ATG2B: variants seen among roughly 807,000 people sequenced by gnomAD.
The protein encoded by ATG2B is autophagy related 2B.
A neutral mutation model predicts 241.3 loss-of-function variants in ATG2B; 121 were observed. That is an observed-to-expected ratio of 0.50 (90% CI 0.43 to 0.58). ATG2B has a LOEUF of 0.58. Ranked by LOEUF, ATG2B falls within the 20% of genes least tolerant of loss-of-function variation. ATG2B has a pLI of 0.00. For missense variants in ATG2B, 2,306 were observed against 2,491.6 expected (o/e 0.93, Z 1.59); for synonymous variants, 858 against 876.6 (o/e 0.98, Z 0.37).
At chr14:96,345,963 A>G (rs1283137652) in intron 2 of ATG2B, among the ~76,000 whole-genome samples, 1 of 152,194 alleles carries the variant, frequency 6.6e-6, no homozygotes, top group African/African-American at 2.4e-5. Context: ...AAAAAATAAT[A>G]GTAAATTCTG....
chr14:96,294,858 G>A, intron 36 of ATG2B, 102 bp downstream of exon 36: 1 of 1,045,076 alleles, frequency 9.6e-7, no homozygotes, highest in Non-Finnish European at 1.4e-6. Context: ...GCAGTGCAAA[G>A]AAAAGCTGAC....
At position 96,293,506 on chromosome 14, in the gene ATG2B, A is replaced by C. The variant is rs537711194; in HGVS notation, c.5427-1408T>G. ...GTTAAGTGCTCAGTAAATATTTGTA[A>C]AATGAATAAATGTTTGGAGGAAGGG... On this transcript the variant is annotated intron_variant, in intron 36 of 41. Transcript: ENST00000359933. Among the ~76,000 whole-genome samples, 10 of 152,348 alleles carry C rather than the reference A, an allele frequency of 6.6e-5. No individual in the cohort carries two copies. The East Asian group carries it at 1.9e-3, about 29-fold the overall frequency.
intron 32 of ATG2B, 104 bp downstream of exon 32, chr14:96,304,391 A>G (rs1886874793): frequency 1.3e-6 from 1 of 746,862 alleles, no homozygotes; most frequent in Non-Finnish European, 2.3e-6. Flanking sequence ...TTTCCAATCC[A>G]AAGGGTTGGG....
rs1158485384 is a variant in ATG2B, at chr14:96,329,488, G to A, written c.1877C>T (p.Thr626Ile). The A allele has an allele frequency of 6.2e-7, 1 of 1,608,062 alleles. No individual in the cohort carries two copies. Among genetic ancestry groups the A allele is most frequent in the Admixed American group, 1.7e-5 (1 of 59,454 alleles). ...GAAAAAGTATTCAATATTTACCTCT[G>A]TATAGTGAGGAGGAACAGAATGAAA... ...TDFHSVPPHY[T>I]ELLTFHSKEE... The change falls in exon 12 of 42, where the codon ACA becomes ATA. Residue 626 changes from threonine to isoleucine, a missense_variant. This residue lies in a region of ATG2B where 1,927 missense variants were observed against 2,011.2 expected (regional missense o/e 0.96). Transcript: ENST00000359933.
chr14:96,341,612 T>A lies in ATG2B; in HGVS notation c.834A>T (p.Ala278=). The part of the protein sequence containing the change: ...PQLTRNLPEI[A]PSDPVQIGRL... ...GTCCAATCTGCACTGGGTCAGAAGGTGCTATCTCTGGTAAATTTCTAGTTA... is the reference window on the plus strand; with the variant it reads ...GTCCAATCTGCACTGGGTCAGAAGGAGCTATCTCTGGTAAATTTCTAGTTA... The change falls in exon 6 of 42, where the codon GCA becomes GCT. Residue 278 remains alanine (A), a synonymous_variant. Coordinates refer to ENST00000359933, the MANE Select transcript of ATG2B (RefSeq NM_018036.7). 6.2e-7 allele frequency: 1 copy of A among 1,604,572 alleles called. No homozygotes were observed. Among genetic ancestry groups the A allele is most frequent in the Non-Finnish European group, 8.5e-7 (1 of 1,174,240 alleles).
intron 34 of ATG2B, among the ~76,000 whole-genome samples, chr14:96,299,223 C>G (rs562085189): frequency 3.8e-4 from 58 of 152,116 alleles, no homozygotes; most frequent in African/African-American, 1.4e-3. Context: ...AAAATCTTCA[C>G]CTGCCTAGCT....
At position 96,289,722 on chromosome 14, in the gene ATG2B, G is replaced by A. The variant is rs1185027675; in HGVS notation, c.5940C>T (p.His1980=). The change falls in exon 41 of 42, where the codon CAC becomes CAT. Residue 1980 remains histidine (H), a synonymous_variant. Transcript: ENST00000359933. The surrounding 1 kb of genome is among the most constrained non-coding windows in gnomAD (Gnocchi z 4.3). ...GGTCTACTGGCTGGTGGGCTAACCG[G>A]TGATGAGGAAACCTTTTGGTCTTCT... ...EPKKTKRFPH[H]RLAHQPVDLR... is the part of the protein sequence containing the mutation. The A allele has an allele frequency of 6.2e-7, 1 of 1,614,192 alleles. No individual in the cohort carries two copies. The highest frequency in any genetic ancestry group is 1.7e-5 in the Admixed American group (1 of 60,028).
chr14:96,297,833 C>A (rs917157241), intron 34 of ATG2B, among the ~76,000 whole-genome samples: 1 of 152,006 alleles, frequency 6.6e-6, no homozygotes, highest in African/African-American at 2.4e-5. Flanking sequence ...GCTCTGTCAC[C>A]CAGACTGGAG....
chr14:96,313,368 G>C lies in ATG2B; in HGVS notation c.3710C>G (p.Thr1237Ser). ...ACAGCTCCAAAGATGAACATGAAAA[G>C]TTGTAAATGAAGTTGGAGGATTATA... The part of the protein sequence containing the change: ...LGYNPPTSFT[T>S]FHVHLWSCAL... Residue 1237 changes from threonine to serine, a missense_variant, in exon 24 of 42, where the codon ACT becomes AGT. Coordinates refer to ENST00000359933, the MANE Select transcript of ATG2B (RefSeq NM_018036.7). 6.3e-7 allele frequency: 1 copy of C among 1,598,344 alleles called. No individual in the cohort carries two copies. The highest frequency in any genetic ancestry group is 8.5e-7 in the Non-Finnish European group (1 of 1,175,450).
intron 15 of ATG2B, among the ~76,000 whole-genome samples, chr14:96,324,711 C>A (rs576894410): frequency 6.6e-6 from 1 of 152,134 alleles, no homozygotes; most frequent in South Asian, 2.1e-4. Context: ...TTTTTCAATC[C>A]ATTTTACAAA....
In ATG2B at chr14:96,315,364, T is replaced by A. The variant is rs775977639; in HGVS notation, c.3561+20A>T. ...AGCTAGAATCAAATCAACAGTGGCA[T>A]AAAAGTACAAAACACAAACCTTTGT... is the stretch of plus-strand genomic sequence containing the variant. On this transcript the variant is annotated intron_variant, in intron 22 of 41. Coordinates refer to ENST00000359933, the MANE Select transcript of ATG2B (RefSeq NM_018036.7). 1.2e-6 allele frequency: 2 copies of A among 1,610,494 alleles called. No homozygotes were observed. The highest frequency in any genetic ancestry group is 1.7e-4 in the Middle Eastern group (1 of 6,044).
intron 6 of ATG2B, among the ~76,000 whole-genome samples, chr14:96,339,271 AGTGTGT>A (rs34822684): frequency 0.036 from 5,330 of 147,184 alleles, 260 homozygotes; most frequent in African/African-American, 0.11. Flanking sequence ...GCAATTCCAC[AGTGTGT>A]GTGTGTGTGT....
intron 8 of ATG2B, among the ~76,000 whole-genome samples, chr14:96,333,229 CTA>C (rs1442397181): frequency 6.6e-6 from 1 of 151,984 alleles, no homozygotes; most frequent in Non-Finnish European, 1.5e-5. Context: ...TGTGAAACAC[CTA>C]TAAATGTAAA....
chr14:96,295,190 T>G, intron 35 of ATG2B, 23 bp from the exon 36 acceptor site: 1 of 1,585,332 alleles, frequency 6.3e-7, no homozygotes, highest in South Asian at 1.1e-5. Flanking sequence ...TGTGCATGTT[T>G]GAAAAATTAG....
rs571759761 is a variant in ATG2B at position 96,311,552 on chromosome 14, T to A, written c.3980A>T (p.Asp1327Val). 12 of 1,603,484 alleles carry A rather than the reference T, an allele frequency of 7.5e-6. No homozygotes were observed. In the South Asian group the frequency reaches 1.3e-4, roughly 18 times the overall value. Residue 1327 changes from aspartate (D) to valine (V), a missense_variant, in exon 27 of 42, where the codon GAT (aspartate) becomes GTT (valine). This residue lies in a region of ATG2B where 1,927 missense variants were observed against 2,011.2 expected (regional missense o/e 0.96). Coordinates refer to ENST00000359933, the MANE Select transcript of ATG2B (RefSeq NM_018036.7). ...ATTTTAATAACTCACTTGCTCTCCA[T>A]CAGAATCAGACTTCACTGCAGTTAT... is the stretch of plus-strand genomic sequence containing the variant. ...LTITAVKSDSDGEQTEPRFEL... is the reference protein window; with the variant it reads ...LTITAVKSDSVGEQTEPRFEL...
intron 27 of ATG2B, 88 bp downstream of exon 27, chr14:96,311,454 A>G: frequency 7.9e-7 from 1 of 1,272,346 alleles, no homozygotes; most frequent in Non-Finnish European, 1.1e-6. Flanking sequence ...TTCTGACCAA[A>G]ATTAGGTACA....
In ATG2B at chr14:96,358,232, T is replaced by A. The variant is rs942410541; in HGVS notation, c.162+4583A>T. 6.6e-5 allele frequency among the ~76,000 whole-genome samples: 10 copies of A among 150,406 alleles called. 1 individual carries two copies. The highest frequency in any genetic ancestry group is 1.3e-4 in the Admixed American group (2 of 15,044). On this transcript the variant is annotated intron_variant, in intron 1 of 41. Coordinates refer to ENST00000359933, the MANE Select transcript of ATG2B (RefSeq NM_018036.7). ...GGGAGGATCACTTGAGCCCAGGAGGTCAAGATCAGCCTGGGCAACATAGTG... is the reference window on the plus strand; with the variant it reads ...GGGAGGATCACTTGAGCCCAGGAGGACAAGATCAGCCTGGGCAACATAGTG...
chr14:96,298,569 T>C (rs142028682), intron 34 of ATG2B, among the ~76,000 whole-genome samples: 228 of 152,304 alleles, frequency 1.5e-3, no homozygotes, highest in African/African-American at 5.2e-3. Context: ...CCGTGGTATA[T>C]CCACAGCAAA....
At chr14:96,323,760 T>C in intron 16 of ATG2B, 136 bp downstream of exon 16, 2 of 682,224 alleles carry the variant, frequency 2.9e-6, no homozygotes, top group East Asian at 2.7e-5. Context: ...GAACACCCAA[T>C]CATCACGCTT....
Sources: allele counts gnomAD v4.1 joint callset (sites outside exome capture counted in the v4.1 genomes callset), GRCh38; gene constraint gnomAD v4.1.1; regional missense constraint gnomAD v4.1.1; non-coding constraint Gnocchi (gnomAD v3.1); transcripts MANE v1.5; gene names NCBI Gene and HGNC (gene_info 2026-07-23, HGNC 2026-07-21).